The following NFXL1 variants were observed in gnomAD, a reference collection of about 807,000 sequenced individuals.
The protein encoded by NFXL1 is nuclear transcription factor, X-box binding like 1, also known as NF-X1-type zinc finger protein NFXL1.
NFXL1 carries 66 observed loss-of-function variants against 123.3 expected under a neutral mutation model. The ratio of observed to expected loss-of-function variants is 0.54; its 90% confidence interval spans 0.44 to 0.66. NFXL1 has a LOEUF of 0.66. Ranked by LOEUF, NFXL1 falls within the 30% of genes least tolerant of loss-of-function variation. The pLI, the probability that NFXL1 is intolerant of heterozygous loss-of-function variation, is 0.00. For missense variants in NFXL1, 944 were observed against 1,125.6 expected (o/e 0.84, Z 2.31); for synonymous variants, 346 against 360.8 (o/e 0.96, Z 0.46).
In NFXL1 at chr4:47,896,404, T is replaced by C. The variant is rs2110096143; in HGVS notation, c.1329+119A>G. 5 of 700,954 alleles carry C rather than the reference T, an allele frequency of 7.1e-6. No homozygotes were observed. In the South Asian group the frequency reaches 1.1e-4, roughly 16 times the overall value. The allele number at this position is 700,954 out of a possible 1,614,324, so 43.4% of individuals were successfully genotyped here. On this transcript the variant is annotated intron_variant, in intron 10 of 22. Transcript: ENST00000507489. ...TCCTAATATTAGGTCACTAAATTCA[T>C]ATACATCATGACACAGATGTATATG... is the stretch of plus-strand genomic sequence containing the variant.
Position 47,847,907 on chromosome 4 carries a change from G to C in NFXL1, c.*256C>G, listed in dbSNP as rs557244432. 19 of 276,588 alleles carry C rather than the reference G, an allele frequency of 6.9e-5. No homozygotes were observed. The highest frequency in any genetic ancestry group is 1.2e-4 in the Non-Finnish European group (18 of 150,174). The allele number at this position is 276,588 out of a possible 1,614,324, so 17.1% of individuals were successfully genotyped here. On this transcript the variant is annotated 3_prime_UTR_variant, in exon 23 of 23. Transcript: ENST00000507489. ...AAGGAAGCCCAATGAACAAAAACAC[G>C]TTACTCTGCCTCTAGCTAAGCCTTA...
In NFXL1 at chr4:47,875,321, C is replaced by T. The variant is rs772252618; in HGVS notation, c.2080-28G>A. On this transcript the variant is annotated intron_variant, in intron 17 of 22. Coordinates refer to ENST00000507489, the MANE Select transcript of NFXL1 (RefSeq NM_001278624.2). ...GAAAAACAGCATGGAAATAAATCACCTAAGTACAAGGTAAGCCTAACATTT... is the reference window on the plus strand; with the variant it reads ...GAAAAACAGCATGGAAATAAATCACTTAAGTACAAGGTAAGCCTAACATTT... 1.9e-6 allele frequency: 3 copies of T among 1,579,324 alleles called. 1 individual carries two copies.
At chr4:47,863,681 C>CA (rs573931840) in intron 18 of NFXL1, among the ~76,000 whole-genome samples, 7 of 151,600 alleles carry the variant, frequency 4.6e-5, no homozygotes, top group South Asian at 2.1e-4. Context: ...GACTCTGTCT[C>CA]AAAAAAAATA....
At chr4:47,856,291 G>A (rs972763433) in intron 19 of NFXL1, among the ~76,000 whole-genome samples, 2 of 152,058 alleles carry the variant, frequency 1.3e-5, no homozygotes, top group Non-Finnish European at 2.9e-5. Context: ...AATGAGTTCA[G>A]TATATTTAGT....
chr4:47,890,733 G>C, intron 11 of NFXL1, 30 bp from the exon 12 acceptor site: 2 of 1,334,456 alleles, frequency 1.5e-6, no homozygotes, highest in South Asian at 2.4e-5. Context: ...TAAAGAACAG[G>C]TAATTCAAAA....
chr4:47,902,513 TATAATC>T (rs1377937268), intron 5 of NFXL1, among the ~76,000 whole-genome samples: 1 of 152,208 alleles, frequency 6.6e-6, no homozygotes, highest in African/African-American at 2.4e-5. Flanking sequence ...CTGGGAATCT[TATAATC>T]AAAATACATT....
At chr4:47,863,676 T>C (rs1734892975) in intron 18 of NFXL1, among the ~76,000 whole-genome samples, 1 of 152,114 alleles carries the variant, frequency 6.6e-6, no homozygotes, top group African/African-American at 2.4e-5. Flanking sequence ...AGCAAGACTC[T>C]GTCTCAAAAA....
intron 12 of NFXL1, among the ~76,000 whole-genome samples, chr4:47,890,150 TA>T (rs1415014449): frequency 1.3e-5 from 2 of 152,058 alleles, no homozygotes; most frequent in African/African-American, 4.8e-5. Flanking sequence ...CAAAGGATTG[TA>T]AAGGGGTCAT....
intron 12 of NFXL1, among the ~76,000 whole-genome samples, chr4:47,887,645 G>A (rs752875278): frequency 2.0e-5 from 3 of 151,924 alleles, no homozygotes; most frequent in Non-Finnish European, 2.9e-5. Context: ...GTTCTCATTC[G>A]GCATATTATA....
Position 47,903,301 on chromosome 4 carries a change from A to C in NFXL1, c.539T>G (p.Phe180Cys). The C allele has an allele frequency of 6.3e-7, 1 of 1,583,892 alleles. No homozygotes were observed. The highest frequency in any genetic ancestry group is 1.7e-4 in the Middle Eastern group (1 of 5,966). ...GATACAGGGCATGTGAAATATACAG[A>C]AACATCCCGAACAGCTCCAAACCTA... ...NQAVWSCSGC[F>C]CIFHMPCIQK... is the part of the protein sequence containing the mutation. The change falls in exon 5 of 23, where the codon TTC (phenylalanine) becomes TGC (cysteine). Residue 180 changes from phenylalanine to cysteine, a missense_variant. Phe to Cys is a radical substitution (Grantham distance 205, BLOSUM62 -2). Coordinates refer to ENST00000507489, the MANE Select transcript of NFXL1 (RefSeq NM_001278624.2).
intron 18 of NFXL1, among the ~76,000 whole-genome samples, chr4:47,866,577 T>C (rs1028317181): frequency 2.0e-5 from 3 of 152,208 alleles, no homozygotes; most frequent in African/African-American, 7.2e-5. Context: ...AGAAGAAAAC[T>C]GGAACATAAT....
At chr4:47,890,578 A>T in intron 12 of NFXL1, 35 bp downstream of exon 12, 1 of 1,194,476 alleles carries the variant, frequency 8.4e-7, no homozygotes, top group Non-Finnish European at 1.2e-6. Context: ...CTACATCACT[A>T]CAAACATAAA....
At chr4:47,863,302 T>A (rs929540746) in intron 18 of NFXL1, among the ~76,000 whole-genome samples, 1 of 152,182 alleles carries the variant, frequency 6.6e-6, no homozygotes, top group African/African-American at 2.4e-5. Flanking sequence ...TTATTTAATA[T>A]GTTCAAATTG....
intron 18 of NFXL1, among the ~76,000 whole-genome samples, chr4:47,872,636 CA>C (rs1367459828): frequency 1.3e-5 from 2 of 152,056 alleles, no homozygotes; most frequent in African/African-American, 4.8e-5. Flanking sequence ...CACAATACTG[CA>C]ATATACTAAG....
At chr4:47,878,956 GTAGA>G (rs1735919732) in intron 16 of NFXL1, 136 bp downstream of exon 16, 1 of 560,846 alleles carries the variant, frequency 1.8e-6, no homozygotes. Flanking sequence ...TTTTAAATTA[GTAGA>G]TAAACTCTTG....
chr4:47,898,883 C>T (rs750194402), intron 7 of NFXL1, 26 bp from the exon 8 acceptor site: 5 of 1,610,490 alleles, frequency 3.1e-6, no homozygotes, highest in Non-Finnish European at 3.4e-6. Context: ...TAAATTAGCA[C>T]AGAAACATAA....
chr4:47,859,841 C>CAAAAAAAAAA (rs938207203), intron 19 of NFXL1, among the ~76,000 whole-genome samples: 12 of 14,312 alleles, frequency 8.4e-4, no homozygotes, highest in African/African-American at 1.5e-3. Flanking sequence ...GACTCCATCT[C>CAAAAAAAAAA]AAAAAAAAAA....
intron 15 of NFXL1, among the ~76,000 whole-genome samples, chr4:47,882,577 T>C (rs1736179526): frequency 6.6e-6 from 1 of 152,242 alleles, no homozygotes; most frequent in African/African-American, 2.4e-5. Context: ...GAGGGATAAA[T>C]GTTAATGCGC....
At chr4:47,879,251 GAAGTT>G in intron 15 of NFXL1, 134 bp from the exon 16 acceptor site, 1 of 425,094 alleles carries the variant, frequency 2.4e-6, no homozygotes, top group Admixed American at 4.4e-5. Flanking sequence ...TACAGGACAC[GAAGTT>G]AATATACAAA....
Sources: allele counts gnomAD v4.1 joint callset (sites outside exome capture counted in the v4.1 genomes callset), GRCh38; gene constraint gnomAD v4.1.1; transcripts MANE v1.5; gene names NCBI Gene and HGNC (gene_info 2026-07-23, HGNC 2026-07-21).